The following HTRA1 variants were observed in gnomAD, a reference collection of about 807,000 sequenced individuals.
HTRA1 encodes serine protease HTRA1.
A neutral mutation model predicts 49.7 loss-of-function variants in HTRA1; 26 were observed. That is an observed-to-expected ratio of 0.52 (90% CI 0.38 to 0.73). The LOEUF (loss-of-function observed/expected upper bound fraction) is 0.73, where lower values mean the gene tolerates loss of function less well. HTRA1 is among the 30% of genes least tolerant of loss of function. The probability of loss-of-function intolerance (pLI) is 0.00; values close to 1 mark genes in which losing one functional copy is unlikely to be tolerated. For synonymous variants in HTRA1, 291 were observed against 286.9 expected (o/e 1.01, Z -0.14); for missense variants, 561 against 667.2 (o/e 0.84, Z 1.75).
At chr10:122,512,522 A>G (rs1188993333) in intron 8 of HTRA1, among the ~76,000 whole-genome samples, 1 of 152,174 alleles carries the variant, frequency 6.6e-6, no homozygotes, top group African/African-American at 2.4e-5. Flanking sequence ...TCAAAGTAAC[A>G]TGACAAGAAG....
At chr10:122,496,840 A>G (rs1407205854) in intron 3 of HTRA1, among the ~76,000 whole-genome samples, 6 of 152,172 alleles carry the variant, frequency 3.9e-5, no homozygotes, top group African/African-American at 1.2e-4. Flanking sequence ...TGAGTTTATT[A>G]GAACCCTCCA....
intron 1 of HTRA1, among the ~76,000 whole-genome samples, chr10:122,472,654 C>A (rs1037545439): frequency 6.6e-6 from 1 of 152,158 alleles, no homozygotes; most frequent in Non-Finnish European, 1.5e-5. Context: ...TTCAGCCTCC[C>A]AAAGTGTGGG....
chr10:122,499,531 C>G (rs1044078987), intron 3 of HTRA1, among the ~76,000 whole-genome samples: 29 of 152,162 alleles, frequency 1.9e-4, no homozygotes, highest in Non-Finnish European at 4.0e-4. Context: ...TTTGGTTCAT[C>G]TGAGTCCACA....
rs2097481291 is a variant in HTRA1, at chr10:122,461,663, C to T, written c.11C>T (p.Pro4Leu). 4 of 1,313,162 alleles carry T rather than the reference C, an allele frequency of 3.0e-6. No homozygotes were observed. Among genetic ancestry groups the T allele is most frequent in the Non-Finnish European group, 3.9e-6 (4 of 1,015,998 alleles). The allele number at this position is 1,313,162 out of a possible 1,614,324, so 81.3% of individuals were successfully genotyped here. A position where few individuals can be genotyped will look rare whatever the true frequency, so the allele number is the denominator to read the frequency against. The change falls in exon 1 of 9, where the codon CCG becomes CTG. Residue 4 changes from proline to leucine, a missense_variant. Coordinates refer to ENST00000368984, the MANE Select transcript of HTRA1 (RefSeq NM_002775.5). Reference protein sequence around the residue: MQIPRAALLPLLLL... With the variant: MQILRAALLPLLLL... Reference sequence around the variant, plus strand: ...GCCGCCAGAGTCGCCATGCAGATCCCGCGCGCCGCTCTTCTCCCGCTGCTG... The same window carrying T: ...GCCGCCAGAGTCGCCATGCAGATCCTGCGCGCCGCTCTTCTCCCGCTGCTG...
chr10:122,466,111 A>T (rs1456832240), intron 1 of HTRA1, among the ~76,000 whole-genome samples: 1 of 152,164 alleles, frequency 6.6e-6, no homozygotes, highest in African/African-American at 2.4e-5. Context: ...ATACCTGGTG[A>T]AGAACCAAGG....
Position 122,512,013 on chromosome 10 carries a change from G to A in HTRA1, c.1222G>A (p.Val408Met), listed in dbSNP as rs779926239. 12 of 1,613,900 alleles carry A rather than the reference G, an allele frequency of 7.4e-6. No homozygotes were observed. The highest frequency in any genetic ancestry group is 2.7e-5 in the African/African-American group (2 of 74,912). ...LKDRHRDFPD[V>M]ISGAYIIEVI... Reference sequence around the variant, plus strand: ...GGACCGGCACCGGGACTTCCCAGACGTGATCTCAGGAGCGTATATAATTGA... The same window carrying A: ...GGACCGGCACCGGGACTTCCCAGACATGATCTCAGGAGCGTATATAATTGA... Residue 408 changes from valine (V) to methionine (M), a missense_variant, in exon 8 of 9, where the codon GTG becomes ATG. By Grantham distance (21) the Val-to-Met change is conservative. This residue lies in a region of HTRA1 where 179 missense variants were observed against 173.4 expected (regional missense o/e 1.03). Coordinates refer to ENST00000368984, the MANE Select transcript of HTRA1 (RefSeq NM_002775.5).
At chr10:122,509,419 C>T (rs545482988) in intron 6 of HTRA1, among the ~76,000 whole-genome samples, 3 of 152,198 alleles carry the variant, frequency 2.0e-5, no homozygotes, top group South Asian at 2.1e-4. Flanking sequence ...GAGGAACCAG[C>T]GGGCAGGGAT....
At chr10:122,477,970 A>G (rs2097489389) in intron 1 of HTRA1, among the ~76,000 whole-genome samples, 1 of 152,158 alleles carries the variant, frequency 6.6e-6, no homozygotes, top group Non-Finnish European at 1.5e-5. Context: ...GCTGCCGCTG[A>G]CAGACCTGCC....
chr10:122,474,613 G>C (rs562930523), intron 1 of HTRA1, among the ~76,000 whole-genome samples: 6 of 152,306 alleles, frequency 3.9e-5, no homozygotes, highest in Non-Finnish European at 8.8e-5. Flanking sequence ...GGCAGGAAGC[G>C]AACCCAGCTG....
At chr10:122,513,430 C>T (rs1355075861) in intron 8 of HTRA1, among the ~76,000 whole-genome samples, 1 of 151,984 alleles carries the variant, frequency 6.6e-6, no homozygotes, top group African/African-American at 2.4e-5. Flanking sequence ...CTTTGATCTC[C>T]TTGGGGTCAT....
intron 1 of HTRA1, among the ~76,000 whole-genome samples, chr10:122,472,446 G>C (rs2097486571): frequency 6.6e-6 from 1 of 150,724 alleles, no homozygotes; most frequent in African/African-American, 2.4e-5. Context: ...ACCCAGGCTG[G>C]AGTAAGGGGC....
At chr10:122,467,993 C>T (rs142084270) in intron 1 of HTRA1, among the ~76,000 whole-genome samples, 4 of 152,270 alleles carry the variant, frequency 2.6e-5, no homozygotes, top group African/African-American at 7.2e-5. Flanking sequence ...CCATCACTGC[C>T]GGAAAGATGC....
chr10:122,514,125 T>C, intron 8 of HTRA1, 66 bp from the exon 9 acceptor site: 1 of 1,486,478 alleles, frequency 6.7e-7, no homozygotes. Flanking sequence ...CCTCTGTCCA[T>C]GTAAAGTCAG....
intron 1 of HTRA1, among the ~76,000 whole-genome samples, chr10:122,463,113 G>A (rs1441864341): frequency 6.6e-6 from 1 of 152,276 alleles, no homozygotes; most frequent in East Asian, 1.9e-4. Context: ...GCTGCTGCCG[G>A]ACCCCAGTGC....
chr10:122,463,911 G>C (rs1240752149), intron 1 of HTRA1, among the ~76,000 whole-genome samples: 1 of 152,212 alleles, frequency 6.6e-6, no homozygotes. Flanking sequence ...AGTGTGGCTG[G>C]GGAACGTTTT....
chr10:122,468,390 C>T (rs1021846059), intron 1 of HTRA1, among the ~76,000 whole-genome samples: 4 of 142,786 alleles, frequency 2.8e-5, no homozygotes, highest in African/African-American at 7.9e-5. Context: ...GCAATATTAG[C>T]GTGTTGTCAT....
intron 3 of HTRA1, among the ~76,000 whole-genome samples, chr10:122,500,287 G>C (rs1227343283): frequency 1.3e-5 from 2 of 152,178 alleles, no homozygotes; most frequent in African/African-American, 4.8e-5. Flanking sequence ...GACCCCATTG[G>C]GGAGTTGTAT....
intron 1 of HTRA1, among the ~76,000 whole-genome samples, chr10:122,475,486 G>A (rs745477296): frequency 2.2e-4 from 34 of 152,234 alleles, no homozygotes; most frequent in Non-Finnish European, 4.3e-4. Context: ...AAGACAGAGC[G>A]TGGTCATTCA....
chr10:122,513,330 G>C (rs778486431), intron 8 of HTRA1, among the ~76,000 whole-genome samples: 5 of 152,126 alleles, frequency 3.3e-5, no homozygotes, highest in Non-Finnish European at 7.3e-5. Context: ...AAGTTGGCCA[G>C]ATAGTGGCCA....
Sources: allele counts gnomAD v4.1 joint callset (sites outside exome capture counted in the v4.1 genomes callset), GRCh38; gene constraint gnomAD v4.1.1; regional missense constraint gnomAD v4.1.1; transcripts MANE v1.5; gene names NCBI Gene and HGNC (gene_info 2026-07-23, HGNC 2026-07-21).